Variants in KCNIP4 observed in about 807,000 individuals in gnomAD.
KCNIP4 encodes the protein Kv channel-interacting protein 4.
A neutral mutation model predicts 34.0 loss-of-function variants in KCNIP4; 12 were observed. That is an observed-to-expected ratio of 0.35 (90% CI 0.23 to 0.57). The LOEUF (loss-of-function observed/expected upper bound fraction) is 0.57. Ranked by LOEUF, KCNIP4 falls within the 20% of genes least tolerant of loss-of-function variation. The pLI, the probability that KCNIP4 is intolerant of heterozygous loss-of-function variation, is 0.83. For synonymous variants in KCNIP4, 124 were observed against 102.2 expected (o/e 1.21, Z -1.29); for missense variants, 238 against 311.7 (o/e 0.76, Z 1.78).
chr4:21,625,378 C>G (rs1470002732), intron 1 of KCNIP4, among the ~76,000 whole-genome samples: 1 of 151,984 alleles, frequency 6.6e-6, no homozygotes, highest in East Asian at 1.9e-4. Context: ...TTATAATTAT[C>G]CCATTTGTAA....
intron 3 of KCNIP4, among the ~76,000 whole-genome samples, chr4:20,844,611 C>T (rs758222845): frequency 1.3e-5 from 2 of 152,198 alleles, no homozygotes; most frequent in African/African-American, 4.8e-5. Context: ...GTGAATTCCT[C>T]TGTCCTAATC....
At chr4:21,721,577 A>G (rs1005383317) in intron 1 of KCNIP4, among the ~76,000 whole-genome samples, 18 of 152,216 alleles carry the variant, frequency 1.2e-4, no homozygotes, top group Admixed American at 7.9e-4. Context: ...ATTTTTGCTT[A>G]TAAGTAATTT....
chr4:21,931,196 T>C (rs1476673299), intron 1 of KCNIP4, among the ~76,000 whole-genome samples: 7 of 151,900 alleles, frequency 4.6e-5, no homozygotes, highest in African/African-American at 9.7e-5. Context: ...GTGACAGAAA[T>C]ATGCACCTAC....
chr4:20,765,152 G>A (rs1291865840), intron 3 of KCNIP4, among the ~76,000 whole-genome samples: 2 of 152,158 alleles, frequency 1.3e-5, no homozygotes, highest in Non-Finnish European at 2.9e-5. Context: ...TGGAGATACA[G>A]GAATGAGTTT....
intron 1 of KCNIP4, among the ~76,000 whole-genome samples, chr4:21,542,354 G>C (rs533361191): frequency 1.3e-5 from 2 of 151,990 alleles, no homozygotes; most frequent in South Asian, 4.2e-4. Context: ...ATATTTTAAG[G>C]CTTCAAAAAT....
intron 1 of KCNIP4, among the ~76,000 whole-genome samples, chr4:20,973,627 C>T (rs920229904): frequency 6.6e-6 from 1 of 152,216 alleles, no homozygotes; most frequent in African/African-American, 2.4e-5. Context: ...TGACTTTCAT[C>T]ATGCGTTCCT....
chr4:21,759,473 G>A (rs1717897509), intron 1 of KCNIP4, among the ~76,000 whole-genome samples: 1 of 152,106 alleles, frequency 6.6e-6, no homozygotes, highest in Non-Finnish European at 1.5e-5. Flanking sequence ...CATATAGCAG[G>A]ACATAGAAAT....
At chr4:20,984,199 A>T (rs780067632) in intron 1 of KCNIP4, among the ~76,000 whole-genome samples, 2 of 152,216 alleles carry the variant, frequency 1.3e-5, no homozygotes, top group African/African-American at 2.4e-5. Flanking sequence ...TGCTGCAGCC[A>T]GCGGGCGAGT....
At chr4:21,912,315 T>C (rs1034216892) in intron 1 of KCNIP4, among the ~76,000 whole-genome samples, 5 of 152,192 alleles carry the variant, frequency 3.3e-5, no homozygotes, top group Admixed American at 1.3e-4. Context: ...TTTAGCAGTG[T>C]GTGAAAAGTT....
At chr4:21,078,691 A>G (rs1745730102) in intron 1 of KCNIP4, among the ~76,000 whole-genome samples, 1 of 152,108 alleles carries the variant, frequency 6.6e-6, no homozygotes, top group Non-Finnish European at 1.5e-5. Context: ...AACTAATTTG[A>G]GGAGAAAATG....
chr4:21,815,677 A>G (rs1288919810), intron 1 of KCNIP4, among the ~76,000 whole-genome samples: 1 of 152,148 alleles, frequency 6.6e-6, no homozygotes, highest in Non-Finnish European at 1.5e-5. Flanking sequence ...GCTGGATGCA[A>G]ATTATCCTGT....
intron 1 of KCNIP4, among the ~76,000 whole-genome samples, chr4:21,650,818 T>C (rs1257583924): frequency 6.6e-6 from 1 of 152,100 alleles, no homozygotes; most frequent in Non-Finnish European, 1.5e-5. Flanking sequence ...CCATCTGGAG[T>C]TTGGGGGTCC....
At chr4:21,122,163 T>C (rs1314918311) in intron 1 of KCNIP4, among the ~76,000 whole-genome samples, 1 of 149,682 alleles carries the variant, frequency 6.7e-6, no homozygotes, top group Non-Finnish European at 1.5e-5. Flanking sequence ...GGGGCTAATT[T>C]TGCAGATCAA....
intron 1 of KCNIP4, among the ~76,000 whole-genome samples, chr4:21,041,733 A>G (rs1280298621): frequency 6.6e-6 from 1 of 152,230 alleles, no homozygotes; most frequent in Non-Finnish European, 1.5e-5. Context: ...GATAGTCACT[A>G]GAAGAAAAAC....
chr4:21,280,196 G>C (rs186404803), intron 1 of KCNIP4, among the ~76,000 whole-genome samples: 1 of 152,130 alleles, frequency 6.6e-6, no homozygotes, highest in African/African-American at 2.4e-5. Context: ...TGATGCAAAA[G>C]AAGGATTTTG....
rs113577446 is a variant in KCNIP4 at position 21,511,302 on chromosome 4, A to C, written c.61+437269T>G. On this transcript the variant is annotated intron_variant, in intron 1 of 8. Transcript: ENST00000382152. ...TATCACTTTTGTGACCTAAATAAAT[A>C]GTATAGGCTTCATATTATAATGACA... Among the ~76,000 whole-genome samples the C allele has an allele frequency of 1.3e-3, 194 of 151,972 alleles. 1 individual carries two copies. Among genetic ancestry groups the C allele is most frequent in the African/African-American group, 4.4e-3 (182 of 41,432 alleles).
intron 1 of KCNIP4, among the ~76,000 whole-genome samples, chr4:21,351,707 A>G (rs894789382): frequency 5.9e-5 from 9 of 152,168 alleles, no homozygotes; most frequent in African/African-American, 2.2e-4. Flanking sequence ...AGAAAAGGAA[A>G]TTAGGACACA....
intron 2 of KCNIP4, among the ~76,000 whole-genome samples, chr4:20,851,388 A>G (rs1721005348): frequency 6.6e-6 from 1 of 152,184 alleles, no homozygotes; most frequent in African/African-American, 2.4e-5. Context: ...GCTGCATAGT[A>G]TTCCATGGTG....
At chr4:21,122,175 T>C in intron 1 of KCNIP4, among the ~76,000 whole-genome samples, 1 of 76,140 alleles carries the variant, frequency 1.3e-5, no homozygotes, top group South Asian at 3.3e-4. Context: ...GCAGATCAAG[T>C]TTTTTTTTTT....
Sources: allele counts gnomAD v4.1 joint callset (sites outside exome capture counted in the v4.1 genomes callset), GRCh38; gene constraint gnomAD v4.1.1; transcripts MANE v1.5; gene names NCBI Gene and HGNC (gene_info 2026-07-23, HGNC 2026-07-21).